CPED1: variants seen among roughly 807,000 people sequenced by gnomAD.
CPED1 encodes cadherin-like and PC-esterase domain-containing protein 1.
Under a neutral mutation model 128.2 loss-of-function variants are expected in CPED1, and 114 were observed. The ratio of observed to expected loss-of-function variants is 0.89; its 90% CI spans 0.76 to 1.04. The LOEUF is 1.04. Among genes scored for constraint, CPED1 ranks in the 50% least tolerant of loss-of-function variants. The pLI, the probability that CPED1 is intolerant of heterozygous loss-of-function variation, is 0.00. For synonymous variants in CPED1, 462 were observed against 426.7 expected, an observed-to-expected ratio of 1.08 and a Z score of -1.02; for missense variants, 1,211 against 1,207.1, an observed-to-expected ratio of 1.00 and a Z score of -0.05.
chr7:121,060,700 C>G (rs1210812554), intron 4 of CPED1, among the ~76,000 whole-genome samples: 1 of 152,208 alleles, frequency 6.6e-6, no homozygotes, highest in African/African-American at 2.4e-5. Flanking sequence ...CTACTGGGCT[C>G]TACCAGGCTC....
chr7:121,168,730 G>T (rs7790700), intron 16 of CPED1, among the ~76,000 whole-genome samples: 1 of 151,796 alleles, frequency 6.6e-6, no homozygotes, highest in Non-Finnish European at 1.5e-5. Context: ...CTCCTCCAGC[G>T]CTCCACTACC....
intron 2 of CPED1, among the ~76,000 whole-genome samples, chr7:121,015,179 G>A (rs576668198): frequency 1.3e-5 from 2 of 152,256 alleles, no homozygotes; most frequent in East Asian, 3.9e-4. Flanking sequence ...CTGCAGCACT[G>A]TTTATCTACA....
At chr7:121,096,834 T>C (rs1446543881) in intron 5 of CPED1, among the ~76,000 whole-genome samples, 1 of 152,086 alleles carries the variant, frequency 6.6e-6, no homozygotes, top group Non-Finnish European at 1.5e-5. Context: ...GCCAGACATA[T>C]ATTATTATGA....
At chr7:121,139,061 C>A (rs1795844505) in intron 14 of CPED1, among the ~76,000 whole-genome samples, 1 of 151,904 alleles carries the variant, frequency 6.6e-6, no homozygotes, top group Non-Finnish European at 1.5e-5. Context: ...ACAATTTCTG[C>A]CTTCATTCTT....
At chr7:121,085,937 G>A (rs1794417077) in intron 5 of CPED1, among the ~76,000 whole-genome samples, 1 of 152,166 alleles carries the variant, frequency 6.6e-6, no homozygotes, top group Non-Finnish European at 1.5e-5. Flanking sequence ...ATACAGAGCT[G>A]AATTCAACCT....
At chr7:121,145,444 G>A (rs1796003646) in intron 16 of CPED1, among the ~76,000 whole-genome samples, 1 of 152,024 alleles carries the variant, frequency 6.6e-6, no homozygotes, top group Admixed American at 6.6e-5. Context: ...TACAGTTTAT[G>A]TGTGGTCCCA....
chr7:121,150,913 C>T (rs1248656647), intron 16 of CPED1, among the ~76,000 whole-genome samples: 3 of 152,004 alleles, frequency 2.0e-5, no homozygotes, highest in South Asian at 2.1e-4. Flanking sequence ...GGATTACAGG[C>T]GCCTGCCACC....
intron 16 of CPED1, among the ~76,000 whole-genome samples, chr7:121,192,136 C>A (rs190633962): frequency 3.9e-4 from 60 of 152,188 alleles, no homozygotes; most frequent in African/African-American, 1.3e-3. Context: ...TGTCCACTGG[C>A]CATTTCCTAA....
intron 3 of CPED1, among the ~76,000 whole-genome samples, chr7:121,040,188 T>G (rs920964049): frequency 6.6e-6 from 1 of 152,072 alleles, no homozygotes; most frequent in Non-Finnish European, 1.5e-5. Context: ...GAGACCAGAT[T>G]TATTTAGATT....
chr7:121,092,947 C>G (rs1295802201), intron 5 of CPED1, among the ~76,000 whole-genome samples: 1 of 152,180 alleles, frequency 6.6e-6, no homozygotes, highest in Admixed American at 6.6e-5. Context: ...GGACCTTAGA[C>G]ACCATCTACT....
At position 121,117,098 on chromosome 7, in the gene CPED1, T is replaced by A. The variant is rs867259593; in HGVS notation, c.919-7233T>A. Among the ~76,000 whole-genome samples the A allele has an allele frequency of 5.5e-4, 74 of 134,630 alleles. 1 individual carries two copies. Among genetic ancestry groups the A allele is most frequent in the African/African-American group, 1.6e-3 (57 of 35,934 alleles). 88.3% of individuals were successfully genotyped at this position (134,630 alleles called of 152,430 possible). Reference sequence around the variant, plus strand: ...CACATTATATATATATATATATATATAAATATATATATATATGTTTGAGAT... The same window carrying A: ...CACATTATATATATATATATATATAAAAATATATATATATATGTTTGAGAT... On this transcript the variant is annotated intron_variant, in intron 7 of 22. Coordinates refer to ENST00000310396, the MANE Select transcript of CPED1 (RefSeq NM_024913.5).
intron 5 of CPED1, among the ~76,000 whole-genome samples, chr7:121,095,440 G>T (rs1422326933): frequency 6.6e-6 from 1 of 151,278 alleles, no homozygotes; most frequent in Non-Finnish European, 1.5e-5. Flanking sequence ...CTATAATCAA[G>T]TTAAATGAGA....
intron 12 of CPED1, among the ~76,000 whole-genome samples, chr7:121,130,563 G>C (rs1193561353): frequency 6.6e-6 from 1 of 152,038 alleles, no homozygotes; most frequent in East Asian, 1.9e-4. Context: ...TTTCAATCTA[G>C]TTTCCTTCAG....
chr7:120,997,028 C>T (rs182146032), intron 2 of CPED1, among the ~76,000 whole-genome samples: 2 of 152,220 alleles, frequency 1.3e-5, no homozygotes, highest in Admixed American at 1.3e-4. Flanking sequence ...CACCCAACAG[C>T]CTGCCTATTT....
At chr7:121,097,923 A>G in intron 6 of CPED1, 92 bp downstream of exon 6, 1 of 1,257,426 alleles carries the variant, frequency 8.0e-7, no homozygotes, top group Admixed American at 2.5e-5. Flanking sequence ...GGGGGTTCAC[A>G]TGTGTGAATT....
chr7:121,028,265 C>T lies in CPED1; in HGVS notation c.433+12417C>T, dbSNP rs1044052577. ...TGGTAATATGCTGGTCCTGGGACCA[C>T]GTGTTGAGAATGACTGTGCTAGTTA... On this transcript the variant is annotated intron_variant, in intron 3 of 22. Coordinates refer to ENST00000310396, the MANE Select transcript of CPED1 (RefSeq NM_024913.5). Among the ~76,000 whole-genome samples, 35 of 152,096 alleles carry T rather than the reference C, an allele frequency of 2.3e-4. 1 individual carries two copies. Among genetic ancestry groups the T allele is most frequent in the Admixed American group, 1.4e-3 (22 of 15,264 alleles).
At chr7:121,136,868 A>T (rs1795795221) in intron 14 of CPED1, among the ~76,000 whole-genome samples, 1 of 151,994 alleles carries the variant, frequency 6.6e-6, no homozygotes, top group Non-Finnish European at 1.5e-5. Context: ...GCATCTCTGT[A>T]CTCCAGCCTG....
intron 5 of CPED1, among the ~76,000 whole-genome samples, chr7:121,089,094 T>C (rs1407314781): frequency 6.6e-6 from 1 of 152,140 alleles, no homozygotes; most frequent in Non-Finnish European, 1.5e-5. Context: ...CCCCTCAGGT[T>C]CTAATCATAT....
intron 3 of CPED1, among the ~76,000 whole-genome samples, chr7:121,036,935 C>T (rs1792911172): frequency 6.6e-6 from 1 of 151,838 alleles, no homozygotes; most frequent in African/African-American, 2.4e-5. Context: ...ATTTATATAC[C>T]TTCTTTTGAG....
Sources: gnomAD v4.1 joint callset for allele counts (sites outside exome capture counted in the v4.1 genomes callset) on GRCh38, gnomAD v4.1.1 for gene constraint, MANE v1.5 for transcripts, NCBI Gene and HGNC (gene_info 2026-07-23, HGNC 2026-07-21) for gene names.